The following TBC1D8 variants were observed in gnomAD, a reference collection of about 807,000 sequenced individuals.
TBC1D8 encodes TBC1 domain family member 8.
A neutral mutation model predicts 118.8 loss-of-function variants in TBC1D8; 65 were observed. That is an observed-to-expected ratio of 0.55 (90% CI 0.45 to 0.67). TBC1D8 has a LOEUF of 0.67. TBC1D8 is among the 30% of genes least tolerant of loss of function. The pLI, the probability that TBC1D8 is intolerant of heterozygous loss-of-function variation, is 0.00. For missense variants in TBC1D8, 1,376 were observed against 1,471.2 expected (o/e 0.94, Z 1.06); for synonymous variants, 566 against 595.8 (o/e 0.95, Z 0.73).
intron 2 of TBC1D8, among the ~76,000 whole-genome samples, chr2:101,062,085 T>C (rs937601511): frequency 1.3e-5 from 2 of 152,180 alleles, no homozygotes; most frequent in African/African-American, 4.8e-5. Flanking sequence ...GTGGCAGGTG[T>C]GTAGGTGTCA....
intron 1 of TBC1D8, among the ~76,000 whole-genome samples, chr2:101,138,514 C>T (rs541844750): frequency 2.0e-5 from 3 of 152,186 alleles, no homozygotes; most frequent in Admixed American, 1.3e-4. Context: ...AAGCCCAAGG[C>T]TGTCACCTGC....
chr2:101,104,033 C>G (rs1677041541), intron 1 of TBC1D8, among the ~76,000 whole-genome samples: 1 of 152,126 alleles, frequency 6.6e-6, no homozygotes, highest in Non-Finnish European at 1.5e-5. Context: ...GACAACATCT[C>G]TCCTACATAC....
At chr2:101,101,009 C>A (rs1219548110) in intron 1 of TBC1D8, among the ~76,000 whole-genome samples, 1 of 152,126 alleles carries the variant, frequency 6.6e-6, no homozygotes, top group Admixed American at 6.6e-5. Context: ...GACTAAAACA[C>A]CAAAAGCAAC....
chr2:101,036,245 T>C (rs756809839), intron 8 of TBC1D8, 77 bp from the exon 9 acceptor site: 220 of 1,542,292 alleles, frequency 1.4e-4, no homozygotes, highest in Non-Finnish European at 1.9e-4. Flanking sequence ...CCGCTGGCAA[T>C]GGAGGAAGTA....
intron 1 of TBC1D8, among the ~76,000 whole-genome samples, chr2:101,147,808 G>A (rs762162415): frequency 5.3e-5 from 8 of 152,264 alleles, no homozygotes; most frequent in Middle Eastern, 3.4e-3. Flanking sequence ...TCTCTGCACA[G>A]TCTCTTTCCC....
At chr2:101,146,286 T>C (rs772731431) in intron 1 of TBC1D8, among the ~76,000 whole-genome samples, 5 of 152,188 alleles carry the variant, frequency 3.3e-5, no homozygotes, top group Non-Finnish European at 5.9e-5. Flanking sequence ...ACTCCAAAGG[T>C]TGTATTTTAC....
At chr2:101,032,526 T>C (rs1485063994) in intron 10 of TBC1D8, 141 bp from the exon 11 acceptor site, 2 of 646,882 alleles carry the variant, frequency 3.1e-6, no homozygotes, top group African/African-American at 1.8e-5. Context: ...ACACTGACAC[T>C]GTACAGTGGA....
intron 2 of TBC1D8, among the ~76,000 whole-genome samples, chr2:101,087,244 A>G (rs1055195350): frequency 1.3e-5 from 2 of 152,176 alleles, no homozygotes; most frequent in African/African-American, 4.8e-5. Flanking sequence ...GTCCAGAAAC[A>G]AGGGCAAACA....
chr2:101,037,928 G>A (rs77916398), intron 7 of TBC1D8, among the ~76,000 whole-genome samples: 5,938 of 152,180 alleles, frequency 0.039, 182 homozygotes, highest in Non-Finnish European at 0.053. Context: ...CAGAACCTGG[G>A]TCCGTATCTG....
In TBC1D8 at chr2:101,015,764, C is replaced by T. The variant is rs78440586; in HGVS notation, c.2828-4224G>A. The stretch of plus-strand genomic sequence containing the variant: ...AACAGAACAGAGCCCTCAGAAACAA[C>T]GCCGCATATCCACAACTACATGATC... On this transcript the variant is annotated intron_variant, in intron 17 of 19. Coordinates refer to ENST00000409318, the MANE Select transcript of TBC1D8 (RefSeq NM_001330348.2). Among the ~76,000 whole-genome samples, 602 of 152,226 alleles carry T rather than the reference C, an allele frequency of 4.0e-3. 2 individuals are homozygous for T. The highest frequency in any genetic ancestry group is 0.012 in the African/African-American group (484 of 41,512).
intron 1 of TBC1D8, among the ~76,000 whole-genome samples, chr2:101,103,212 G>A (rs936641479): frequency 3.3e-5 from 5 of 151,016 alleles, no homozygotes; most frequent in African/African-American, 1.2e-4. Flanking sequence ...TGGAAATATC[G>A]ATCAATATAA....
chr2:101,147,090 CGAGGCA>C (rs1165857464), intron 1 of TBC1D8, among the ~76,000 whole-genome samples: 1 of 130,856 alleles, frequency 7.6e-6, no homozygotes, highest in Non-Finnish European at 1.7e-5. Flanking sequence ...AGGCCGAGGC[CGAGGCA>C]GGAGGATGGC....
At chr2:101,124,971 C>G (rs906927589) in intron 1 of TBC1D8, among the ~76,000 whole-genome samples, 1 of 152,068 alleles carries the variant, frequency 6.6e-6, no homozygotes, top group African/African-American at 2.4e-5. Flanking sequence ...AATAACCAAA[C>G]TATCCCACGG....
Position 101,010,920 on chromosome 2 carries a change from A to T in TBC1D8, c.3015+9T>A. 6.2e-7 allele frequency: 1 copy of T among 1,607,464 alleles called. No individual in the cohort carries two copies. Among genetic ancestry groups the T allele is most frequent in the East Asian group, 2.2e-5 (1 of 44,860 alleles). On this transcript the variant is annotated intron_variant, in intron 19 of 19. Coordinates refer to ENST00000409318, the MANE Select transcript of TBC1D8 (RefSeq NM_001330348.2). ...AAAGTTAATTCTCTGCACTGAAGAA[A>T]GTCCATACCTGGCTCATTTTGGGCA...
chr2:101,119,512 C>T (rs1678006854), intron 1 of TBC1D8, among the ~76,000 whole-genome samples: 1 of 152,198 alleles, frequency 6.6e-6, no homozygotes, highest in Non-Finnish European at 1.5e-5. Flanking sequence ...CATTAACTCC[C>T]TGGATTTCCT....
rs1679151636 is a variant in TBC1D8, at chr2:101,010,843, C to A, written c.3015+86G>T. The A allele has an allele frequency of 8.6e-6, 10 of 1,159,352 alleles. 1 individual carries two copies. In the Admixed American group the frequency reaches 1.8e-4, roughly 21 times the overall value. 71.8% of individuals were successfully genotyped at this position (1,159,352 alleles called of 1,614,324 possible). A position where few individuals can be genotyped will look rare whatever the true frequency, so the allele number is the denominator to read the frequency against. On this transcript the variant is annotated intron_variant, in intron 19 of 19. Coordinates refer to ENST00000409318, the MANE Select transcript of TBC1D8 (RefSeq NM_001330348.2). ...GTTGCAGTGGGCTGAGATCGCGCCA[C>A]TGTACTCCAGCCTGGGCGACAGAGC...
intron 1 of TBC1D8, among the ~76,000 whole-genome samples, chr2:101,093,199 T>A (rs7589975): frequency 0.15 from 22,907 of 152,188 alleles, 1,884 homozygotes; most frequent in Middle Eastern, 0.25. Context: ...AACCAACTGT[T>A]TTATCAGTAA....
At chr2:101,113,561 C>A (rs1022161547) in intron 1 of TBC1D8, among the ~76,000 whole-genome samples, 3 of 152,192 alleles carry the variant, frequency 2.0e-5, no homozygotes, top group African/African-American at 7.2e-5. Context: ...ATACCGCCTG[C>A]AGCCTGACAG....
chr2:101,016,316 T>C (rs1320561181), intron 17 of TBC1D8, among the ~76,000 whole-genome samples: 10 of 151,624 alleles, frequency 6.6e-5, no homozygotes, highest in Non-Finnish European at 1.3e-4. Flanking sequence ...AAAAGACACA[T>C]GAAAAAATGC....
Sources: allele counts gnomAD v4.1 joint callset (sites outside exome capture counted in the v4.1 genomes callset), GRCh38; gene constraint gnomAD v4.1.1; transcripts MANE v1.5; gene names NCBI Gene and HGNC (gene_info 2026-07-23, HGNC 2026-07-21).